MTUS2: variants seen among roughly 807,000 people sequenced by gnomAD.
MTUS2 encodes the protein microtubule associated scaffold protein 2.
Under a neutral mutation model 114.1 loss-of-function variants are expected in MTUS2, and 40 were observed. The observed-to-expected ratio is 0.35, with a 90% CI of 0.27 to 0.46. The LOEUF is 0.46. Ranked by LOEUF, MTUS2 falls within the 20% of genes least tolerant of loss-of-function variation. The probability of loss-of-function intolerance (pLI) is 1.00; values close to 1 mark genes in which losing one functional copy is unlikely to be tolerated. For synonymous variants in MTUS2, 688 were observed against 672.0 expected (o/e 1.02, Z -0.37); for missense variants, 1,679 against 1,705.4 (o/e 0.98, Z 0.27).
intron 8 of MTUS2, chr13:29,428,598 T>TGGCGCCCCCCC: frequency 6.4e-6 from 1 of 155,460 alleles, no homozygotes; most frequent in Non-Finnish European, 1.4e-5. Flanking sequence ...CCTTCCTGGC[T>TGGCGCCCCCCC]CCCGCCCGCC....
intron 9 of MTUS2, among the ~76,000 whole-genome samples, chr13:29,471,742 G>GCC (rs559849711): frequency 2.3e-5 from 3 of 131,600 alleles, no homozygotes; most frequent in African/African-American, 3.1e-5. Context: ...TGCAGGCCCA[G>GCC]CCCCCCCCGA....
intron 8 of MTUS2, among the ~76,000 whole-genome samples, chr13:29,415,093 T>C (rs1006915553): frequency 5.3e-5 from 8 of 151,812 alleles, no homozygotes; most frequent in Non-Finnish European, 1.5e-5. Flanking sequence ...AGGTGGAAGA[T>C]CTTTTTGTTT....
At chr13:29,442,856 G>T (rs2138696469) in intron 9 of MTUS2, among the ~76,000 whole-genome samples, 1 of 152,340 alleles carries the variant, frequency 6.6e-6, no homozygotes, top group East Asian at 1.9e-4. Context: ...TTATAGTTCA[G>T]CTAGAACAAT....
At chr13:29,447,635 G>A (rs1296150296) in intron 9 of MTUS2, among the ~76,000 whole-genome samples, 2 of 145,576 alleles carry the variant, frequency 1.4e-5, no homozygotes, top group Non-Finnish European at 3.0e-5. Context: ...TTTTAATGCT[G>A]GTCATAAAGT....
intron 5 of MTUS2, among the ~76,000 whole-genome samples, chr13:29,217,209 A>AT (rs150170544): frequency 0.025 from 3,789 of 152,236 alleles, 154 homozygotes; most frequent in African/African-American, 0.086. Flanking sequence ...AAAATATAGT[A>AT]TTTTATGTAT....
intron 5 of MTUS2, among the ~76,000 whole-genome samples, chr13:29,251,240 G>A (rs950420176): frequency 6.6e-6 from 1 of 151,556 alleles, no homozygotes; most frequent in Admixed American, 6.6e-5. Flanking sequence ...ATGTAGGCAA[G>A]CCCCTTAATA....
chr13:28,896,151 T>C (rs1413946058), intron 2 of MTUS2, among the ~76,000 whole-genome samples: 2 of 152,134 alleles, frequency 1.3e-5, no homozygotes, highest in Admixed American at 6.5e-5. Flanking sequence ...GAGTTGTAAC[T>C]TTTACTGGAT....
At chr13:28,899,027 C>T (rs1212673658) in intron 2 of MTUS2, among the ~76,000 whole-genome samples, 1 of 152,168 alleles carries the variant, frequency 6.6e-6, no homozygotes, top group Non-Finnish European at 1.5e-5. Context: ...ACCACGCTGG[C>T]TTGGCAAGGA....
intron 1 of MTUS2, among the ~76,000 whole-genome samples, chr13:28,820,893 A>G (rs184314750): frequency 6.6e-6 from 1 of 152,042 alleles, no homozygotes; most frequent in South Asian, 2.1e-4. Context: ...GTTCTCCCCT[A>G]CCCACCCCCA....
At chr13:28,943,290 T>A (rs952866956) in intron 2 of MTUS2, among the ~76,000 whole-genome samples, 3 of 152,214 alleles carry the variant, frequency 2.0e-5, no homozygotes, top group Non-Finnish European at 4.4e-5. Context: ...GATAAACATT[T>A]ACTGAGTTTC....
intron 5 of MTUS2, among the ~76,000 whole-genome samples, chr13:29,224,501 A>T (rs921094606): frequency 1.3e-5 from 2 of 151,840 alleles, no homozygotes; most frequent in Non-Finnish European, 2.9e-5. Context: ...CAAATCTTTT[A>T]TTTCCAAAAA....
At chr13:29,085,339 A>G (rs1889643978) in intron 4 of MTUS2, among the ~76,000 whole-genome samples, 1 of 152,212 alleles carries the variant, frequency 6.6e-6, no homozygotes, top group Admixed American at 6.5e-5. Flanking sequence ...TTACATGAGT[A>G]AATTGTATGT....
intron 4 of MTUS2, among the ~76,000 whole-genome samples, chr13:29,075,765 C>T (rs1040502200): frequency 2.6e-5 from 4 of 152,160 alleles, no homozygotes; most frequent in Non-Finnish European, 5.9e-5. Context: ...TTAGCTTCAC[C>T]ATTAGACCAT....
intron 2 of MTUS2, among the ~76,000 whole-genome samples, chr13:29,005,804 G>A (rs930897010): frequency 6.6e-6 from 1 of 152,220 alleles, no homozygotes; most frequent in African/African-American, 2.4e-5. Context: ...CTGCGCCAAA[G>A]TACTTCTGTG....
At chr13:29,245,889 G>A (rs1896907004) in intron 5 of MTUS2, among the ~76,000 whole-genome samples, 1 of 152,008 alleles carries the variant, frequency 6.6e-6, no homozygotes, top group African/African-American at 2.4e-5. Flanking sequence ...AGAAGAGACG[G>A]GGTTTCACCA....
chr13:29,357,254 T>G (rs972030820), intron 7 of MTUS2, among the ~76,000 whole-genome samples: 2 of 152,170 alleles, frequency 1.3e-5, no homozygotes, highest in African/African-American at 4.8e-5. Context: ...TCCCCAGAAA[T>G]AAATCTAACA....
Position 28,900,178 on chromosome 13 carries a change from G to A in MTUS2, c.-243+60328G>A, listed in dbSNP as rs114856115. Among the ~76,000 whole-genome samples the A allele has an allele frequency of 2.9e-3, 440 of 152,328 alleles. 3 individuals carry two copies. The highest frequency in any genetic ancestry group is 0.01 in the African/African-American group (430 of 41,568). On this transcript the variant is annotated intron_variant, in intron 2 of 15. Coordinates refer to ENST00000612955, the MANE Select transcript of MTUS2 (RefSeq NM_001033602.4). ...GCTAGAATTACAGGCGTGAGCCATT[G>A]CGTGCAGCCCCAGTTAAACTCTTTT...
intron 5 of MTUS2, among the ~76,000 whole-genome samples, chr13:29,242,951 G>C (rs1278637738): frequency 6.6e-6 from 1 of 152,202 alleles, no homozygotes; most frequent in Non-Finnish European, 1.5e-5. Context: ...GAGACTGGGT[G>C]TATGGTCGAT....
At chr13:29,182,539 T>G (rs1894050716) in intron 5 of MTUS2, among the ~76,000 whole-genome samples, 1 of 152,190 alleles carries the variant, frequency 6.6e-6, no homozygotes, top group Non-Finnish European at 1.5e-5. Flanking sequence ...TGTTACTCAT[T>G]CAACAAATAT....
Sources: gnomAD v4.1 joint callset for allele counts (sites outside exome capture counted in the v4.1 genomes callset) on GRCh38, gnomAD v4.1.1 for gene constraint, MANE v1.5 for transcripts, NCBI Gene and HGNC (gene_info 2026-07-23, HGNC 2026-07-21) for gene names.